Variants in RAB31 observed in about 807,000 individuals in gnomAD.
The protein encoded by RAB31 is ras-related protein Rab-31.
In RAB31, 21 loss-of-function variants were observed where a neutral mutation model predicts 25.6. The observed-to-expected ratio is 0.82, with a 90% CI of 0.58 to 1.18. RAB31 has a LOEUF of 1.18. Among genes scored for constraint, RAB31 ranks in the 50% most tolerant of loss-of-function variants. RAB31 has a pLI of 0.00. For missense variants in RAB31, 196 were observed against 250.1 expected, an observed-to-expected ratio of 0.78 and a Z score of 1.46; for synonymous variants, 87 against 84.0, an observed-to-expected ratio of 1.04 and a Z score of -0.20.
intron 3 of RAB31, among the ~76,000 whole-genome samples, chr18:9,807,886 G>A (rs66906729): frequency 0.38 from 58,214 of 151,988 alleles, 11,798 homozygotes; most frequent in East Asian, 0.65. Flanking sequence ...GCTGAGATGA[G>A]AGGATTACTT....
intron 1 of RAB31, among the ~76,000 whole-genome samples, chr18:9,764,688 C>T (rs2068306220): frequency 6.6e-6 from 1 of 151,802 alleles, no homozygotes. Context: ...TGTTTTACAT[C>T]TCTCCTGGCC....
At chr18:9,803,533 A>G (rs2068524599) in intron 3 of RAB31, among the ~76,000 whole-genome samples, 1 of 151,840 alleles carries the variant, frequency 6.6e-6, no homozygotes, top group African/African-American at 2.4e-5. Context: ...GCCCCTAGTA[A>G]CTCTCTTGAA....
intron 1 of RAB31, among the ~76,000 whole-genome samples, chr18:9,763,739 G>A (rs1379012550): frequency 6.6e-6 from 1 of 152,008 alleles, no homozygotes; most frequent in Non-Finnish European, 1.5e-5. Flanking sequence ...CTTTTCCATA[G>A]GAAGTGCTTA....
In RAB31 at chr18:9,770,077, T is replaced by C. The variant is rs142682400; in HGVS notation, c.40-5201T>C. ...GTGGATAAGCTTTTTGACATGCTGC[T>C]GGATTCAGTTTGCCAGTATTTTATT... On this transcript the variant is annotated intron_variant, in intron 1 of 6. Coordinates refer to ENST00000578921, the MANE Select transcript of RAB31 (RefSeq NM_006868.4). Among the ~76,000 whole-genome samples, 1,002 of 152,364 alleles carry C rather than the reference T, an allele frequency of 6.6e-3. 8 individuals carry two copies. The highest frequency in any genetic ancestry group is 0.024 in the Middle Eastern group (7 of 294).
intron 1 of RAB31, among the ~76,000 whole-genome samples, chr18:9,710,718 G>A (rs916357369): frequency 1.8e-4 from 28 of 152,048 alleles, no homozygotes; most frequent in Admixed American, 3.3e-4. Flanking sequence ...TTAGCTGGGC[G>A]GTAGCGGCGC....
At chr18:9,727,351 C>T (rs1186221299) in intron 1 of RAB31, among the ~76,000 whole-genome samples, 1 of 152,220 alleles carries the variant, frequency 6.6e-6, no homozygotes, top group African/African-American at 2.4e-5. Flanking sequence ...GGGTCTCTCT[C>T]TGTCGTCTAG....
At chr18:9,778,629 C>T (rs2068386019) in intron 2 of RAB31, among the ~76,000 whole-genome samples, 1 of 152,146 alleles carries the variant, frequency 6.6e-6, no homozygotes. Flanking sequence ...CGCCACCATG[C>T]CCAGCTAATT....
intron 2 of RAB31, among the ~76,000 whole-genome samples, chr18:9,783,379 C>T (rs2298504): frequency 3.3e-5 from 5 of 152,094 alleles, no homozygotes; most frequent in South Asian, 4.1e-4. Flanking sequence ...GGTTCCCCCC[C>T]CTTACCTGCA....
At chr18:9,817,818 A>T (rs2068606533) in intron 5 of RAB31, among the ~76,000 whole-genome samples, 1 of 152,200 alleles carries the variant, frequency 6.6e-6, no homozygotes, top group African/African-American at 2.4e-5. Context: ...TGCAATTTTC[A>T]TAGTGCCCCA....
At chr18:9,824,622 G>A (rs1319092299) in intron 5 of RAB31, among the ~76,000 whole-genome samples, 3 of 152,226 alleles carry the variant, frequency 2.0e-5, no homozygotes, top group Non-Finnish European at 2.9e-5. Context: ...GCATTTGAGT[G>A]CAGAAGTACT....
intron 6 of RAB31, among the ~76,000 whole-genome samples, chr18:9,851,874 A>G (rs566551312): frequency 3.3e-5 from 5 of 151,880 alleles, no homozygotes; most frequent in Non-Finnish European, 7.4e-5. Context: ...TTCATAATCT[A>G]TTTCAATATC....
chr18:9,780,011 C>T (rs1366455223), intron 2 of RAB31, among the ~76,000 whole-genome samples: 1 of 151,768 alleles, frequency 6.6e-6, no homozygotes, highest in African/African-American at 2.4e-5. Context: ...TTGGTCTCTA[C>T]AAAAAAATAC....
At chr18:9,735,402 GCT>G (rs1435465781) in intron 1 of RAB31, 14 of 218,030 alleles carry the variant, frequency 6.4e-5, no homozygotes, top group Non-Finnish European at 1.4e-4. Flanking sequence ...TTGGGCTGAA[GCT>G]CTGTTTCCTC....
At chr18:9,760,625 T>C (rs1172059205) in intron 1 of RAB31, among the ~76,000 whole-genome samples, 1 of 152,038 alleles carries the variant, frequency 6.6e-6, no homozygotes, top group Non-Finnish European at 1.5e-5. Context: ...CTCCGGGAGG[T>C]GTTCATGCTT....
At chr18:9,767,444 G>A (rs1206573193) in intron 1 of RAB31, among the ~76,000 whole-genome samples, 3 of 152,214 alleles carry the variant, frequency 2.0e-5, no homozygotes, top group Non-Finnish European at 2.9e-5. Flanking sequence ...GAAAGTCTGC[G>A]GAGCAGTGCT....
chr18:9,776,101 A>C (rs907375201), intron 2 of RAB31, among the ~76,000 whole-genome samples: 1 of 152,122 alleles, frequency 6.6e-6, no homozygotes, highest in African/African-American at 2.4e-5. Flanking sequence ...CTTTTCTGGA[A>C]TTATCTAATG....
At chr18:9,802,501 C>G (rs1005239770) in intron 3 of RAB31, among the ~76,000 whole-genome samples, 1 of 152,112 alleles carries the variant, frequency 6.6e-6, no homozygotes, top group Admixed American at 6.5e-5. Flanking sequence ...ATAGTGAGAC[C>G]CTGTCTCTAC....
Position 9,815,196 on chromosome 18 carries a change from A to C in RAB31, c.354A>C (p.Gly118=). Residue 118 remains glycine, a synonymous_variant, in exon 5 of 7, where the codon GGA becomes GGC. Coordinates refer to ENST00000578921, the MANE Select transcript of RAB31 (RefSeq NM_006868.4). ...GPENIVMAIA[G]NKCDLSDIRE... is the part of the protein sequence containing the mutation. ...AAAACATTGTAATGGCCATCGCTGG[A>C]AACAAGTGCGACCTCTCAGATATTA... is the stretch of plus-strand genomic sequence containing the variant. The C allele has an allele frequency of 6.4e-7, 1 of 1,554,766 alleles. No homozygotes were observed. The highest frequency in any genetic ancestry group is 8.7e-7 in the Non-Finnish European group (1 of 1,147,380).
At chr18:9,785,459 A>G (rs1288249957) in intron 2 of RAB31, among the ~76,000 whole-genome samples, 2 of 152,200 alleles carry the variant, frequency 1.3e-5, no homozygotes, top group African/African-American at 4.8e-5. Flanking sequence ...CATGATATAT[A>G]TGTCATATTT....
Sources: allele counts gnomAD v4.1 joint callset (sites outside exome capture counted in the v4.1 genomes callset), GRCh38; gene constraint gnomAD v4.1.1; transcripts MANE v1.5; gene names NCBI Gene and HGNC (gene_info 2026-07-23, HGNC 2026-07-21).